Variants in CTXND1 observed in about 807,000 individuals in gnomAD.
CTXND1 encodes cortexin domain containing 1, also known as cortexin domain-containing 1 protein.
At position 80,204,187 on chromosome 15, in the gene CTXND1, T is replaced by A. The variant is rs1471891413; in HGVS notation, c.-217-447A>T. On this transcript the variant is annotated intron_variant, in intron 1 of 2. Transcript: ENST00000560778. Reference sequence around the variant, plus strand: ...AAAAAAAAATATATATATATATATATATATATATATATACACAAACACATA... The same window carrying A: ...AAAAAAAAATATATATATATATATAAATATATATATATACACAAACACATA... Among the ~76,000 whole-genome samples, 25 of 49,934 alleles carry A rather than the reference T, an allele frequency of 5.0e-4. 4 individuals are homozygous for A. The highest frequency in any genetic ancestry group is 1.7e-3 in the African/African-American group (19 of 11,012). The allele number at this position is 49,934 out of a possible 152,430, so 32.8% of individuals were successfully genotyped here.
chr15:80,217,708 G>A (rs1199920865), intron 1 of CTXND1, among the ~76,000 whole-genome samples: 1 of 151,692 alleles, frequency 6.6e-6, no homozygotes, highest in Non-Finnish European at 1.5e-5. Context: ...CACCATACCG[G>A]GCTAATTCTT....
chr15:80,215,031 A>C (rs188278487), intron 1 of CTXND1, among the ~76,000 whole-genome samples: 2 of 152,356 alleles, frequency 1.3e-5, no homozygotes, highest in African/African-American at 4.8e-5. Flanking sequence ...AAAGATATGG[A>C]TGTTTTCCAG....
intron 1 of CTXND1, among the ~76,000 whole-genome samples, chr15:80,228,035 T>C (rs1439010697): frequency 6.6e-6 from 1 of 152,264 alleles, no homozygotes. Flanking sequence ...TTCTAAATCC[T>C]TGGATGTCAT....
At chr15:80,209,836 C>G (rs1893187345) in intron 1 of CTXND1, among the ~76,000 whole-genome samples, 1 of 152,212 alleles carries the variant, frequency 6.6e-6, no homozygotes, top group Non-Finnish European at 1.5e-5. Flanking sequence ...AATAATCTCA[C>G]CCCGTTCTCT....
At chr15:80,232,345 C>T (rs115948523) in intron 1 of CTXND1, among the ~76,000 whole-genome samples, 3 of 152,166 alleles carry the variant, frequency 2.0e-5, no homozygotes, top group Non-Finnish European at 4.4e-5. Flanking sequence ...AGATCAGACT[C>T]GTGGCCAAAG....
At chr15:80,233,663 A>G (rs1223746008) in intron 1 of CTXND1, among the ~76,000 whole-genome samples, 3 of 152,162 alleles carry the variant, frequency 2.0e-5, no homozygotes, top group Non-Finnish European at 2.9e-5. Flanking sequence ...TCTGCCCTAC[A>G]AAGAGACTGG....
Position 80,228,879 on chromosome 15 carries a change from C to T in CTXND1, c.-218+23128G>A, listed in dbSNP as rs1014162282. On this transcript the variant is annotated intron_variant, in intron 1 of 2. Coordinates refer to ENST00000560778, the MANE Select transcript of CTXND1 (RefSeq NM_001352888.2). ...TCCTGACCTCGTGATCCACCTGCCT[C>T]GGCCCCCGAAAGTGCTGGGATTACA... Among the ~76,000 whole-genome samples the T allele has an allele frequency of 3.9e-5, 6 of 152,042 alleles. No individual in the cohort carries two copies. In the South Asian group the frequency reaches 8.3e-4, roughly 21 times the overall value.
At position 80,200,177 on chromosome 15, in the gene CTXND1, T is replaced by A. The variant is rs1200294226; in HGVS notation, c.*1593A>T. On this transcript the variant is annotated 3_prime_UTR_variant, in exon 3 of 3. Transcript: ENST00000560778. ...GAAAAGCTGAAGGTGCCAGGCTCTG[T>A]AGGGGCAGGGGGCACCCAGAACCTC... is the stretch of plus-strand genomic sequence containing the variant. 1 of 152,170 alleles carries A rather than the reference T, an allele frequency of 6.6e-6. No homozygotes were observed. Among genetic ancestry groups the A allele is most frequent in the Non-Finnish European group, 1.5e-5 (1 of 68,094 alleles). 9.4% of individuals were successfully genotyped at this position (152,170 alleles called of 1,614,324 possible).
intron 1 of CTXND1, among the ~76,000 whole-genome samples, chr15:80,204,957 A>G (rs942473887): frequency 6.6e-6 from 1 of 152,038 alleles, no homozygotes; most frequent in African/African-American, 2.4e-5. Context: ...TGTTTTTACT[A>G]CCCCTCTCCC....
intron 1 of CTXND1, among the ~76,000 whole-genome samples, chr15:80,203,988 C>T (rs1419343769): frequency 6.6e-6 from 1 of 150,530 alleles, no homozygotes; most frequent in African/African-American, 2.4e-5. Context: ...TGGTGAAATC[C>T]TGTCTCTACA....
chr15:80,204,647 G>GTATATATATATATATA lies in CTXND1; in HGVS notation c.-217-923_-217-908dup, dbSNP rs35359063. Among the ~76,000 whole-genome samples, 778 of 131,200 alleles carry GTATATATATATATATA rather than the reference G, an allele frequency of 5.9e-3. 7 individuals carry two copies. The highest frequency in any genetic ancestry group is 0.012 in the African/African-American group (415 of 34,272). The allele number at this position is 131,200 out of a possible 152,430, so 86.1% of individuals were successfully genotyped here. A position where few individuals can be genotyped will look rare whatever the true frequency, so the allele number is the denominator to read the frequency against. On this transcript the variant is annotated intron_variant, in intron 1 of 2. Transcript: ENST00000560778. ...TTTAAGGTCCGAATAATATTCCATT[G>GTATATATATATATATA]TATATATATATATATATATATATAT...
chr15:80,244,286 C>T (rs1893604528), intron 1 of CTXND1, among the ~76,000 whole-genome samples: 1 of 152,220 alleles, frequency 6.6e-6, no homozygotes, highest in South Asian at 2.1e-4. Context: ...AATTTATGTG[C>T]AAAGCCCATG....
intron 1 of CTXND1, among the ~76,000 whole-genome samples, chr15:80,227,078 A>G (rs908574276): frequency 6.6e-6 from 1 of 152,088 alleles, no homozygotes; most frequent in Non-Finnish European, 1.5e-5. Context: ...TGCTGTTCAA[A>G]ATTTATTTCT....
chr15:80,196,201 C>G lies in CTXND1; in HGVS notation c.*5569G>C, dbSNP rs1400923185. ...ATGCCAATGCTGTCCATCCGTGGACCATAGTTTGAGTAGTGTTGCCCTAGA... is the reference window on the plus strand; with the variant it reads ...ATGCCAATGCTGTCCATCCGTGGACGATAGTTTGAGTAGTGTTGCCCTAGA... On this transcript the variant is annotated 3_prime_UTR_variant, in exon 3 of 3. Coordinates refer to ENST00000560778, the MANE Select transcript of CTXND1 (RefSeq NM_001352888.2). The G allele has an allele frequency of 6.6e-6, 1 of 152,154 alleles. No homozygotes were observed. Among genetic ancestry groups the G allele is most frequent in the African/African-American group, 2.4e-5 (1 of 41,424 alleles). 9.4% of individuals were successfully genotyped at this position (152,154 alleles called of 1,614,324 possible).
rs555609272 is a variant in CTXND1 at position 80,218,532 on chromosome 15, G to A, written c.-217-14792C>T. The stretch of plus-strand genomic sequence containing the variant: ...TCTGCATTTTGTTGATGTTTTAAAA[G>A]TATTGATATTACAGATCAATTGTAT... On this transcript the variant is annotated intron_variant, in intron 1 of 2. Coordinates refer to ENST00000560778, the MANE Select transcript of CTXND1 (RefSeq NM_001352888.2). 1.9e-3 allele frequency among the ~76,000 whole-genome samples: 295 copies of A among 152,194 alleles called. 2 individuals carry two copies. The highest frequency in any genetic ancestry group is 0.01 in the Middle Eastern group (3 of 294).
At chr15:80,203,248 GTA>G (rs1310604138) in intron 2 of CTXND1, among the ~76,000 whole-genome samples, 3 of 152,154 alleles carry the variant, frequency 2.0e-5, no homozygotes, top group Non-Finnish European at 2.9e-5. Flanking sequence ...TGCTTGAACT[GTA>G]CTCTGTGCTT....
chr15:80,240,856 C>T (rs1053391277), intron 1 of CTXND1, among the ~76,000 whole-genome samples: 4 of 152,172 alleles, frequency 2.6e-5, no homozygotes, highest in African/African-American at 9.7e-5. Context: ...TCAGTCAAAG[C>T]ATCCGGATAT....
chr15:80,243,302 A>G (rs938381620), intron 1 of CTXND1, among the ~76,000 whole-genome samples: 1 of 152,194 alleles, frequency 6.6e-6, no homozygotes, highest in African/African-American at 2.4e-5. Flanking sequence ...TGTAAGCTGT[A>G]CATTAGGCAG....
rs1303996212 is a variant in CTXND1, at chr15:80,196,472, C to T, written c.*5298G>A. The T allele has an allele frequency of 2.0e-5, 3 of 152,208 alleles. No individual in the cohort carries two copies. The highest frequency in any genetic ancestry group is 4.4e-5 in the Non-Finnish European group (3 of 68,038). The allele number at this position is 152,208 out of a possible 1,614,324, so 9.4% of individuals were successfully genotyped here. ...TGGGAGAACAAGACTGCAGTTACCA[C>T]TCTGGGCCTCATGACCAGCCACAGA... On this transcript the variant is annotated 3_prime_UTR_variant, in exon 3 of 3. Transcript: ENST00000560778.
Sources: allele counts gnomAD v4.1 joint callset (sites outside exome capture counted in the v4.1 genomes callset), GRCh38; gene constraint gnomAD v4.1.1; transcripts MANE v1.5; gene names NCBI Gene and HGNC (gene_info 2026-07-23, HGNC 2026-07-21).